Variants in BABAM2 observed in about 807,000 individuals in gnomAD.
BABAM2 encodes BRISC and BRCA1 A complex member 2.
A neutral mutation model predicts 54.7 loss-of-function variants in BABAM2; 31 were observed. That is an observed-to-expected ratio of 0.57 (90% CI 0.43 to 0.77). BABAM2 has a LOEUF of 0.77. Ranked by LOEUF, BABAM2 falls within the 30% of genes least tolerant of loss-of-function variation. BABAM2 has a pLI of 0.00. For missense variants in BABAM2, 364 were observed against 455.8 expected (o/e 0.80, Z 1.83); for synonymous variants, 167 against 162.9 (o/e 1.03, Z -0.19).
intron 6 of BABAM2, among the ~76,000 whole-genome samples, chr2:28,116,973 G>A (rs1349994554): frequency 1.3e-5 from 2 of 152,152 alleles, no homozygotes; most frequent in Non-Finnish European, 2.9e-5. Context: ...TATTCAAATG[G>A]CATACTCCTA....
At chr2:28,248,207 C>CTTTTTCTTTTTTTTTTTTTTTTTTTTTTT (rs1553349503) in intron 10 of BABAM2, among the ~76,000 whole-genome samples, 1 of 54,306 alleles carries the variant, frequency 1.8e-5, no homozygotes, top group African/African-American at 6.7e-5. Flanking sequence ...TTTTCTTTTT[C>CTTTTTCTTTTTTTTTTTTTTTTTTTTTTT]TTTTTTTTTT....
intron 7 of BABAM2, among the ~76,000 whole-genome samples, chr2:28,131,838 G>T (rs1183375250): frequency 6.6e-6 from 1 of 152,134 alleles, no homozygotes; most frequent in African/African-American, 2.4e-5. Context: ...AATTACAAAG[G>T]TGCTTTGGTG....
At chr2:28,320,679 C>T (rs941798469) in intron 11 of BABAM2, among the ~76,000 whole-genome samples, 4 of 152,234 alleles carry the variant, frequency 2.6e-5, no homozygotes, top group Non-Finnish European at 5.9e-5. Flanking sequence ...AACATGGGTG[C>T]ACCCAGAGCC....
intron 7 of BABAM2, among the ~76,000 whole-genome samples, chr2:28,230,737 A>G (rs1681311112): frequency 6.6e-6 from 1 of 151,542 alleles, no homozygotes. Context: ...AAAAAGAAGA[A>G]GAAAGTAAGA....
chr2:27,978,364 C>G (rs1671746633), intron 3 of BABAM2, among the ~76,000 whole-genome samples: 1 of 152,156 alleles, frequency 6.6e-6, no homozygotes. Flanking sequence ...TCCTGTACAG[C>G]CTGCAGAACT....
intron 2 of BABAM2, among the ~76,000 whole-genome samples, chr2:27,920,763 C>G (rs1158332394): frequency 2.6e-5 from 4 of 152,094 alleles, no homozygotes; most frequent in Non-Finnish European, 4.4e-5. Flanking sequence ...AGGGAAGGAA[C>G]CCTGGACTCA....
intron 2 of BABAM2, among the ~76,000 whole-genome samples, chr2:27,895,391 A>G (rs1313210603): frequency 6.6e-6 from 1 of 152,208 alleles, no homozygotes; most frequent in Non-Finnish European, 1.5e-5. Flanking sequence ...TTTAAAGAGT[A>G]CTGGCTACTT....
intron 6 of BABAM2, among the ~76,000 whole-genome samples, chr2:28,070,353 C>A (rs1664008028): frequency 6.6e-6 from 1 of 152,112 alleles, no homozygotes; most frequent in African/African-American, 2.4e-5. Flanking sequence ...TACTATAATG[C>A]CCCATGCATG....
At chr2:28,052,286 G>A (rs147212196) in intron 6 of BABAM2, among the ~76,000 whole-genome samples, 1 of 145,786 alleles carries the variant, frequency 6.9e-6, no homozygotes, top group African/African-American at 2.5e-5. Flanking sequence ...TTTTTTTTTT[G>A]CTTTTTTTTT....
chr2:28,008,157 A>G (rs1242974175), intron 4 of BABAM2, among the ~76,000 whole-genome samples: 1 of 152,014 alleles, frequency 6.6e-6, no homozygotes, highest in Non-Finnish European at 1.5e-5. Flanking sequence ...TGTATTACCC[A>G]GACAATCAGT....
At chr2:28,246,751 A>G (rs189913696) in intron 10 of BABAM2, among the ~76,000 whole-genome samples, 1 of 152,358 alleles carries the variant, frequency 6.6e-6, no homozygotes, top group East Asian at 1.9e-4. Flanking sequence ...TTGCTCAATT[A>G]TAACCTATGT....
At chr2:28,332,279 G>A (rs1329568817) in intron 11 of BABAM2, among the ~76,000 whole-genome samples, 2 of 152,158 alleles carry the variant, frequency 1.3e-5, no homozygotes, top group Non-Finnish European at 2.9e-5. Flanking sequence ...CTAACGTCCT[G>A]CACGTGGATC....
intron 4 of BABAM2, among the ~76,000 whole-genome samples, chr2:28,000,827 T>G (rs1440665130): frequency 6.6e-6 from 1 of 152,224 alleles, no homozygotes; most frequent in Non-Finnish European, 1.5e-5. Context: ...CCACTGGAAG[T>G]TCTTCCACTT....
intron 7 of BABAM2, among the ~76,000 whole-genome samples, chr2:28,209,837 T>C (rs1238967661): frequency 6.6e-6 from 1 of 152,208 alleles, no homozygotes; most frequent in East Asian, 1.9e-4. Flanking sequence ...GAGGGAGATT[T>C]TCCTTTTTGG....
intron 6 of BABAM2, among the ~76,000 whole-genome samples, chr2:28,125,143 A>G (rs1669395921): frequency 1.3e-5 from 2 of 152,174 alleles, no homozygotes; most frequent in Non-Finnish European, 2.9e-5. Flanking sequence ...TTGAATCTAA[A>G]TGGAGATACC....
chr2:28,144,944 A>G (rs930984475), intron 7 of BABAM2, among the ~76,000 whole-genome samples: 2 of 152,234 alleles, frequency 1.3e-5, no homozygotes, highest in Non-Finnish European at 2.9e-5. Context: ...GCTCCGGACC[A>G]TGGAGGTCAC....
chr2:28,159,601 C>T lies in BABAM2; in HGVS notation c.680+30221C>T, dbSNP rs998777279. 7.2e-4 allele frequency among the ~76,000 whole-genome samples: 110 copies of T among 152,076 alleles called. 2 individuals carry two copies. Among genetic ancestry groups the T allele is most frequent in the Admixed American group, 4.9e-3 (75 of 15,260 alleles). ...TGTTTCTAAAATCGCCAGAATTGGC[C>T]GGATGCAGTGGCTCACACCTGCAAT... On this transcript the variant is annotated intron_variant, in intron 7 of 11. Transcript: ENST00000379624.
chr2:28,062,025 A>C (rs1678914942), intron 6 of BABAM2, among the ~76,000 whole-genome samples: 1 of 152,176 alleles, frequency 6.6e-6, no homozygotes, highest in Admixed American at 6.5e-5. Context: ...TTGGGAGTCC[A>C]AGTCAGGGGA....
intron 10 of BABAM2, among the ~76,000 whole-genome samples, chr2:28,263,787 A>G (rs970955187): frequency 1.3e-5 from 2 of 152,218 alleles, no homozygotes; most frequent in Non-Finnish European, 2.9e-5. Context: ...ATGAGGTGCT[A>G]CGGGGCTCCC....
Sources: allele counts gnomAD v4.1 joint callset (sites outside exome capture counted in the v4.1 genomes callset), GRCh38; gene constraint gnomAD v4.1.1; transcripts MANE v1.5; gene names NCBI Gene and HGNC (gene_info 2026-07-23, HGNC 2026-07-21).